Variants in NEGR1 observed in about 807,000 individuals in gnomAD.
NEGR1 encodes IgLON family member 4.
Under a neutral mutation model 40.9 loss-of-function variants are expected in NEGR1, and 10 were observed. The ratio of observed to expected loss-of-function variants is 0.24; its 90% CI spans 0.15 to 0.42. The LOEUF (loss-of-function observed/expected upper bound fraction) is 0.42. Among genes scored for constraint, NEGR1 ranks in the 10% least tolerant of loss-of-function variants. NEGR1 has a pLI of 1.00. For synonymous variants in NEGR1, 185 were observed against 166.8 expected (o/e 1.11, Z -0.84); for missense variants, 352 against 438.9 (o/e 0.80, Z 1.77).
At chr1:71,646,545 T>A (rs952350665) in intron 4 of NEGR1, among the ~76,000 whole-genome samples, 6 of 151,858 alleles carry the variant, frequency 4.0e-5, no homozygotes, top group African/African-American at 1.4e-4. Flanking sequence ...CATTAGTTCA[T>A]CCTGGCTCCC....
At chr1:71,757,409 C>A (rs1209398675) in intron 3 of NEGR1, among the ~76,000 whole-genome samples, 1 of 151,970 alleles carries the variant, frequency 6.6e-6, no homozygotes, top group Non-Finnish European at 1.5e-5. Context: ...ATTAACAGCC[C>A]TCTGGTCCTA....
intron 2 of NEGR1, among the ~76,000 whole-genome samples, chr1:71,866,249 C>T (rs1557681946): frequency 6.6e-6 from 1 of 151,944 alleles, no homozygotes; most frequent in East Asian, 1.9e-4. Context: ...CTAAGAAACA[C>T]AAGAAGAACA....
chr1:72,104,722 A>G (rs532529542), intron 1 of NEGR1, among the ~76,000 whole-genome samples: 272 of 152,264 alleles, frequency 1.8e-3, no homozygotes, highest in Non-Finnish European at 3.3e-3. Context: ...GGAGCCTTGA[A>G]TTTGTTTTTT....
intron 1 of NEGR1, among the ~76,000 whole-genome samples, chr1:72,191,886 C>G (rs1169001951): frequency 6.6e-6 from 1 of 151,730 alleles, no homozygotes; most frequent in African/African-American, 2.4e-5. Flanking sequence ...GTTGGCAGTG[C>G]CATCTTCCTC....
intron 1 of NEGR1, among the ~76,000 whole-genome samples, chr1:72,193,605 T>C (rs998257535): frequency 1.3e-5 from 2 of 151,628 alleles, no homozygotes; most frequent in Non-Finnish European, 3.0e-5. Flanking sequence ...CAAAATATAT[T>C]TTAAGGCCAC....
chr1:72,271,049 T>C (rs936189296), intron 1 of NEGR1, among the ~76,000 whole-genome samples: 5 of 151,874 alleles, frequency 3.3e-5, no homozygotes, highest in African/African-American at 1.2e-4. Flanking sequence ...ACAAGGCTTT[T>C]GTTCAAGGTC....
chr1:71,744,542 G>C (rs573268919), intron 3 of NEGR1, among the ~76,000 whole-genome samples: 1 of 151,790 alleles, frequency 6.6e-6, no homozygotes, highest in Non-Finnish European at 1.5e-5. Flanking sequence ...GCCTAGTATC[G>C]TGTCTACTCA....
chr1:71,691,670 G>A (rs1463490796), intron 4 of NEGR1, among the ~76,000 whole-genome samples: 2 of 151,562 alleles, frequency 1.3e-5, no homozygotes, highest in Non-Finnish European at 3.0e-5. Context: ...ATGAAACACT[G>A]GATCTAAGTA....
At chr1:71,526,554 G>T (rs1218945240) in intron 6 of NEGR1, among the ~76,000 whole-genome samples, 1 of 151,324 alleles carries the variant, frequency 6.6e-6, no homozygotes, top group Non-Finnish European at 1.5e-5. Flanking sequence ...AGAGAGGTGG[G>T]AGTCATCCTT....
chr1:72,251,256 C>A (rs1832959), intron 1 of NEGR1, among the ~76,000 whole-genome samples: 8 of 152,066 alleles, frequency 5.3e-5, no homozygotes, highest in Non-Finnish European at 1.2e-4. Context: ...ATGTATTTTT[C>A]TTTAGTAGTT....
chr1:71,801,115 T>A (rs1657540187), intron 2 of NEGR1, among the ~76,000 whole-genome samples: 1 of 152,190 alleles, frequency 6.6e-6, no homozygotes, highest in African/African-American at 2.4e-5. Flanking sequence ...ACGTTTAGAA[T>A]AATTGATCAC....
intron 1 of NEGR1, among the ~76,000 whole-genome samples, chr1:72,084,335 T>C (rs970185156): frequency 5.3e-5 from 8 of 152,260 alleles, no homozygotes; most frequent in African/African-American, 1.2e-4. Flanking sequence ...TCTCCACTTA[T>C]CAGCATGGCT....
At chr1:72,226,677 A>T (rs1336675133) in intron 1 of NEGR1, among the ~76,000 whole-genome samples, 2 of 152,008 alleles carry the variant, frequency 1.3e-5, no homozygotes, top group African/African-American at 4.8e-5. Context: ...TATTCCCAGT[A>T]TGTTCCTCAA....
intron 2 of NEGR1, among the ~76,000 whole-genome samples, chr1:71,803,614 T>C (rs889369109): frequency 1.3e-5 from 2 of 152,202 alleles, no homozygotes; most frequent in Admixed American, 6.6e-5. Flanking sequence ...CCTTCAGATA[T>C]ATGCATAGCT....
chr1:71,586,545 A>G (rs1216347341), intron 6 of NEGR1, among the ~76,000 whole-genome samples: 1 of 152,170 alleles, frequency 6.6e-6, no homozygotes, highest in East Asian at 1.9e-4. Context: ...CTGTCAATTG[A>G]CAAACGTAAC....
chr1:71,690,480 T>C (rs1317040615), intron 4 of NEGR1, among the ~76,000 whole-genome samples: 2 of 151,458 alleles, frequency 1.3e-5, no homozygotes, highest in Non-Finnish European at 2.9e-5. Context: ...CCTGCGATGA[T>C]TTTCAGGGTT....
chr1:71,808,325 GA>G lies in NEGR1; in HGVS notation c.410-32029del, dbSNP rs369829763. On this transcript the variant is annotated intron_variant, in intron 2 of 6. Transcript: ENST00000357731. ...ACTAAGGATTTTTTACATTCTGTTT[GA>G]AATAACTCAAAATAGTCCCTCGCCC... Among the ~76,000 whole-genome samples the G allele has an allele frequency of 9.6e-3, 1,456 of 152,194 alleles. 30 individuals are homozygous for G. The highest frequency in any genetic ancestry group is 0.033 in the African/African-American group (1,388 of 41,540).
Position 72,237,822 on chromosome 1 carries a change from T to G in NEGR1, c.176+44497A>C, listed in dbSNP as rs532531757. Among the ~76,000 whole-genome samples, 4 of 152,100 alleles carry G rather than the reference T, an allele frequency of 2.6e-5. No individual in the cohort carries two copies. The South Asian group carries it at 8.3e-4, about 32-fold the overall frequency. ...CTGTGCTCTCATTTTAGTTTTGACATAAACTAGTCACATGGCCTTAGACAA... is the reference window on the plus strand; with the variant it reads ...CTGTGCTCTCATTTTAGTTTTGACAGAAACTAGTCACATGGCCTTAGACAA... On this transcript the variant is annotated intron_variant, in intron 1 of 6. Coordinates refer to ENST00000357731, the MANE Select transcript of NEGR1 (RefSeq NM_173808.3).
chr1:72,115,211 A>T (rs573970805), intron 1 of NEGR1, among the ~76,000 whole-genome samples: 39 of 151,700 alleles, frequency 2.6e-4, no homozygotes, highest in African/African-American at 7.7e-4. Flanking sequence ...TTATATATAT[A>T]TTTTTTCATT....
Sources: allele counts gnomAD v4.1 joint callset (sites outside exome capture counted in the v4.1 genomes callset), GRCh38; gene constraint gnomAD v4.1.1; transcripts MANE v1.5; gene names NCBI Gene and HGNC (gene_info 2026-07-23, HGNC 2026-07-21).